Variants in DPH6 observed in about 807,000 individuals in gnomAD.
The protein encoded by DPH6 is diphthamine biosynthesis 6, also known as diphthine--ammonia ligase.
DPH6 carries 33 observed loss-of-function variants against 38.2 expected under a neutral mutation model. The observed-to-expected ratio is 0.86, with a 90% CI of 0.65 to 1.15. The LOEUF (loss-of-function observed/expected upper bound fraction) is 1.15. Among genes scored for constraint, DPH6 ranks in the 50% most tolerant of loss-of-function variants. The pLI is 0.00. For synonymous variants in DPH6, 108 were observed against 103.0 expected (o/e 1.05, Z -0.30); for missense variants, 325 against 320.0 (o/e 1.02, Z -0.12).
chr15:35,448,475 T>C (rs749656052), intron 5 of DPH6, among the ~76,000 whole-genome samples: 1 of 152,152 alleles, frequency 6.6e-6, no homozygotes, highest in Non-Finnish European at 1.5e-5. Context: ...CATGAACTCA[T>C]GAGTCATTAG....
intron 3 of DPH6, chr15:35,237,863 G>T: frequency 6.6e-7 from 1 of 1,509,366 alleles, no homozygotes; most frequent in South Asian, 1.1e-5. Flanking sequence ...GGAGGAGTAT[G>T]ACGAAGATGC....
chr15:35,402,952 A>G (rs2053240924), intron 6 of DPH6, among the ~76,000 whole-genome samples: 1 of 152,114 alleles, frequency 6.6e-6, no homozygotes. Context: ...ATACCTTCAT[A>G]TGTAAAATAC....
chr15:35,229,179 T>C (rs979178680), intron 3 of DPH6, among the ~76,000 whole-genome samples: 1 of 152,188 alleles, frequency 6.6e-6, no homozygotes, highest in East Asian at 1.9e-4. Context: ...CCAATTACTC[T>C]TAAATTTGCT....
At chr15:35,545,844 C>T (rs2055341546) in intron 1 of DPH6, among the ~76,000 whole-genome samples, 1 of 152,074 alleles carries the variant, frequency 6.6e-6, no homozygotes, top group African/African-American at 2.4e-5. Flanking sequence ...GGCGTCGGTA[C>T]TTTTTTTAAT....
At chr15:35,255,676 A>G (rs920720146) in intron 3 of DPH6, among the ~76,000 whole-genome samples, 1 of 152,206 alleles carries the variant, frequency 6.6e-6, no homozygotes, top group East Asian at 1.9e-4. Flanking sequence ...TTTTGGATGC[A>G]CCAGTTTACT....
intron 3 of DPH6, among the ~76,000 whole-genome samples, chr15:35,277,520 A>C (rs2051867208): frequency 6.6e-6 from 1 of 152,184 alleles, no homozygotes; most frequent in African/African-American, 2.4e-5. Flanking sequence ...TTATAAAGAT[A>C]CCTGAAAATG....
downstream of DPH6, among the ~76,000 whole-genome samples, chr15:35,366,286 G>A (rs1397726816): frequency 2.0e-5 from 3 of 149,954 alleles, no homozygotes; most frequent in African/African-American, 7.4e-5. Flanking sequence ...TTTTCTGAAG[G>A]GGTCTTTTTA....
intron 7 of DPH6, among the ~76,000 whole-genome samples, chr15:35,375,235 C>A (rs553579373): frequency 6.6e-6 from 1 of 152,104 alleles, no homozygotes; most frequent in South Asian, 2.1e-4. Flanking sequence ...TGATCTGAAT[C>A]AAGATTATTA....
At chr15:35,185,786 G>A in the DPH6 span, among the ~76,000 whole-genome samples, 5 of 137,006 alleles carry the variant, frequency 3.6e-5, no homozygotes, top group African/African-American at 1.1e-4. Flanking sequence ...GTACAGTGGC[G>A]TGATCTCAGC....
chr15:35,505,766 T>C (rs1242676381), intron 3 of DPH6, among the ~76,000 whole-genome samples: 1 of 151,976 alleles, frequency 6.6e-6, no homozygotes, highest in East Asian at 1.9e-4. Flanking sequence ...AAAGCAGGAG[T>C]CATCAGTCTT....
intron 3 of DPH6, among the ~76,000 whole-genome samples, chr15:35,511,243 G>C (rs2054765712): frequency 6.6e-6 from 1 of 152,080 alleles, no homozygotes; most frequent in South Asian, 2.1e-4. Flanking sequence ...AAACAGTGAA[G>C]GGACAGAACA....
At chr15:35,506,293 T>C (rs1020034264) in intron 3 of DPH6, among the ~76,000 whole-genome samples, 14 of 152,192 alleles carry the variant, frequency 9.2e-5, no homozygotes, top group Admixed American at 7.2e-4. Flanking sequence ...AAGAGCTATT[T>C]ACATGCTTTC....
chr15:35,337,082 C>G (rs889190513), intron 3 of DPH6, among the ~76,000 whole-genome samples: 74 of 152,000 alleles, frequency 4.9e-4, no homozygotes, highest in Non-Finnish European at 8.7e-4. Context: ...GTCCTGGACT[C>G]TTTTTGGTTG....
intron 3 of DPH6, among the ~76,000 whole-genome samples, chr15:35,473,703 T>C (rs149565320): frequency 2.5e-4 from 38 of 152,128 alleles, no homozygotes; most frequent in African/African-American, 8.0e-4. Flanking sequence ...TTCACACACA[T>C]GAAACAAAAT....
intron 3 of DPH6, among the ~76,000 whole-genome samples, chr15:35,515,150 A>T (rs1002619439): frequency 3.3e-5 from 5 of 151,926 alleles, no homozygotes; most frequent in Non-Finnish European, 5.9e-5. Flanking sequence ...AAAAAAAGCT[A>T]ATGTATCTTA....
intron 6 of DPH6, among the ~76,000 whole-genome samples, chr15:35,395,782 T>C (rs1485692205): frequency 1.3e-5 from 2 of 152,226 alleles, no homozygotes; most frequent in African/African-American, 4.8e-5. Context: ...TCACGTTCTA[T>C]ACTCTACATT....
At chr15:35,384,765 C>A (rs955517287) in intron 6 of DPH6, among the ~76,000 whole-genome samples, 30 of 152,254 alleles carry the variant, frequency 2.0e-4, no homozygotes, top group African/African-American at 7.0e-4. Flanking sequence ...GGAACAGCTA[C>A]AAATGGGATC....
intron 3 of DPH6, among the ~76,000 whole-genome samples, chr15:35,323,816 C>T (rs965667787): frequency 1.3e-5 from 2 of 152,150 alleles, no homozygotes; most frequent in African/African-American, 4.8e-5. Flanking sequence ...GGAACCATTG[C>T]TATCAGAATT....
chr15:35,546,006 G>T, intron 1 of DPH6, 113 bp downstream of exon 1: 1 of 997,120 alleles, frequency 1.0e-6, no homozygotes. Flanking sequence ...AGGAGCCGCG[G>T]AACCCCCAAC....
Sources: gnomAD v4.1 joint callset for allele counts (sites outside exome capture counted in the v4.1 genomes callset) on GRCh38, gnomAD v4.1.1 for gene constraint, MANE v1.5 for transcripts, NCBI Gene and HGNC (gene_info 2026-07-23, HGNC 2026-07-21) for gene names.